FRY: variants seen among roughly 807,000 people sequenced by gnomAD.
FRY encodes FRY microtubule binding protein.
Under a neutral mutation model 348.4 loss-of-function variants are expected in FRY, and 128 were observed. The observed-to-expected ratio is 0.37, with a 90% confidence interval of 0.32 to 0.43. The LOEUF (loss-of-function observed/expected upper bound fraction) is 0.43, where lower values mean the gene tolerates loss of function less well. Ranked by LOEUF, FRY falls within the 20% of genes least tolerant of loss-of-function variation. The pLI is 1.00. For missense variants in FRY, 2,736 were observed against 3,695.2 expected (o/e 0.74, Z 6.73); for synonymous variants, 1,370 against 1,374.7 (o/e 1.00, Z 0.08).
At chr13:32,094,202 C>A (rs1390045313) in intron 2 of FRY, among the ~76,000 whole-genome samples, 2 of 151,824 alleles carry the variant, frequency 1.3e-5, no homozygotes, top group African/African-American at 4.8e-5. Context: ...GTTCTCTTTT[C>A]TTTTCTTTAT....
At chr13:32,285,966 G>A (rs1484866640) in intron 58 of FRY, among the ~76,000 whole-genome samples, 1 of 151,740 alleles carries the variant, frequency 6.6e-6, no homozygotes, top group Non-Finnish European at 1.5e-5. Context: ...GCTTACAGGT[G>A]TTTGTCTTCC....
intron 40 of FRY, among the ~76,000 whole-genome samples, chr13:32,230,504 A>G (rs1885851233): frequency 6.6e-6 from 1 of 152,018 alleles, no homozygotes; most frequent in Non-Finnish European, 1.5e-5. Flanking sequence ...AATCTTGTAC[A>G]TTTTTATGGT....
chr13:32,134,925 G>T lies in FRY; in HGVS notation c.907G>T (p.Glu303Ter), dbSNP rs761480552. The change falls in exon 9 of 61, where the codon GAG (glutamate) becomes TAG (stop). Residue 303 changes from glutamate (E) to a stop codon, truncating the protein, a stop_gained. Transcript: ENST00000542859. LOFTEE classifies it high-confidence loss of function. Reference sequence around the variant, plus strand: ...CCAGGAATGTGCACATTACTTCCTCGAGGTCAAAGACAAAGATATCAAGCA... The same window carrying T: ...CCAGGAATGTGCACATTACTTCCTCTAGGTCAAAGACAAAGATATCAAGCA... ...FMQECAHYFL[E>*]VKDKDIKHAL... is the part of the protein sequence containing the mutation. The T allele has an allele frequency of 6.2e-7, 1 of 1,610,618 alleles. No individual in the cohort carries two copies. Among genetic ancestry groups the T allele is most frequent in the Admixed American group, 1.7e-5 (1 of 59,974 alleles).
intron 59 of FRY, among the ~76,000 whole-genome samples, chr13:32,292,604 C>T (rs181049586): frequency 2.3e-3 from 353 of 151,586 alleles, no homozygotes; most frequent in Non-Finnish European, 2.9e-3. Flanking sequence ...TCATCTTGGC[C>T]AACATGGTGA....
rs144942681 is a variant in FRY at position 32,207,623 on chromosome 13, G to A, written c.4019-1230G>A. 2.3e-3 allele frequency among the ~76,000 whole-genome samples: 357 copies of A among 152,328 alleles called. 4 individuals carry two copies. Among genetic ancestry groups the A allele is most frequent in the African/African-American group, 8.4e-3 (351 of 41,568 alleles). The stretch of plus-strand genomic sequence containing the variant: ...ACATACATCAGTCACATCCATAAAT[G>A]TAGAAATCAAGTAAATTTTGAAATT... On this transcript the variant is annotated intron_variant, in intron 31 of 60. Coordinates refer to ENST00000542859, the MANE Select transcript of FRY (RefSeq NM_023037.3).
intron 1 of FRY, chr13:32,060,881 C>T (rs1873903065): frequency 2.8e-6 from 1 of 350,998 alleles, no homozygotes; most frequent in Non-Finnish European, 5.6e-6. Flanking sequence ...AACAGTCTGC[C>T]CTGGACGGAA....
chr13:32,161,733 C>G (rs965367341), intron 17 of FRY, among the ~76,000 whole-genome samples: 1 of 152,148 alleles, frequency 6.6e-6, no homozygotes, highest in South Asian at 2.1e-4. Context: ...GGCCCACAGA[C>G]CCCCATGGGG....
At chr13:32,115,104 G>A (rs913436179) in intron 3 of FRY, among the ~76,000 whole-genome samples, 2 of 152,174 alleles carry the variant, frequency 1.3e-5, no homozygotes, top group Non-Finnish European at 2.9e-5. Flanking sequence ...CCATCATTAT[G>A]GGAGAGACAG....
rs1886980710 is a variant in FRY, at chr13:32,249,706, A to T, written c.7170+19A>T. The T allele has an allele frequency of 6.2e-7, 1 of 1,610,434 alleles. No individual in the cohort carries two copies. The highest frequency in any genetic ancestry group is 1.7e-5 in the Admixed American group (1 of 59,938). ...TTCTCAGGTATGCAATCCTAGACCC[A>T]CAGTCCTGGGAGGGAGTTTAGGGAC... On this transcript the variant is annotated intron_variant, in intron 49 of 60. Coordinates refer to ENST00000542859, the MANE Select transcript of FRY (RefSeq NM_023037.3).
At chr13:32,259,228 G>A (rs1887499829) in intron 51 of FRY, among the ~76,000 whole-genome samples, 1 of 152,220 alleles carries the variant, frequency 6.6e-6, no homozygotes, top group Non-Finnish European at 1.5e-5. Flanking sequence ...GCCATGCTGA[G>A]AAAGCCTGGT....
chr13:32,237,395 T>G lies in FRY; in HGVS notation c.5827T>G (p.Leu1943Val), dbSNP rs369011120. 1.9e-6 allele frequency: 3 copies of G among 1,613,818 alleles called. No homozygotes were observed. The highest frequency in any genetic ancestry group is 2.5e-6 in the Non-Finnish European group (3 of 1,180,006). ...TVLSRSSSPDLSSSSKLTASR... is the reference protein window; with the variant it reads ...TVLSRSSSPDVSSSSKLTASR... ...TATACCCAGCTCTTCCTCACCAGAT[T>G]TAAGCTCCAGCAGTAAACTAACAGC... Residue 1943 changes from leucine to valine, a missense_variant, in exon 44 of 61, where the codon TTA becomes GTA. Physicochemically the swap from Leu to Val is conservative, Grantham distance 32 (BLOSUM62 1). This residue lies in a region of FRY where 794 missense variants were observed against 977.0 expected (regional missense o/e 0.81). Coordinates refer to ENST00000542859, the MANE Select transcript of FRY (RefSeq NM_023037.3). This position sits in a 1 kb window ranked among gnomAD's most constrained non-coding sequence, Gnocchi z 6.3.
At chr13:32,207,680 T>C (rs1245309881) in intron 31 of FRY, among the ~76,000 whole-genome samples, 1 of 152,216 alleles carries the variant, frequency 6.6e-6, no homozygotes, top group Non-Finnish European at 1.5e-5. Flanking sequence ...AGCTTAGCAC[T>C]GTCTGATTAT....
In FRY at chr13:32,048,893, A is replaced by G. The variant is rs114522722; in HGVS notation, c.70+17028A>G. 4.1e-3 allele frequency among the ~76,000 whole-genome samples: 631 copies of G among 152,332 alleles called. 8 individuals carry two copies. The highest frequency in any genetic ancestry group is 0.015 in the African/African-American group (603 of 41,576). ...CTTCAGGAAGTGCCTGAGAGTCAATAAACAGTCCTCCCTTTCCCTTCTTAC... is the reference window on the plus strand; with the variant it reads ...CTTCAGGAAGTGCCTGAGAGTCAATGAACAGTCCTCCCTTTCCCTTCTTAC... On this transcript the variant is annotated intron_variant, in intron 1 of 60. Coordinates refer to ENST00000542859, the MANE Select transcript of FRY (RefSeq NM_023037.3).
intron 36 of FRY, among the ~76,000 whole-genome samples, chr13:32,220,116 T>C (rs75987737): frequency 0.029 from 4,474 of 152,348 alleles, 90 homozygotes; most frequent in Middle Eastern, 0.061. Flanking sequence ...TATTCTTTTT[T>C]GTCAGAAATT....
In FRY at chr13:32,171,075, T is replaced by A. The variant is rs776081196; in HGVS notation, c.1956T>A (p.Leu652=). The change falls in exon 18 of 61, where the codon CTT becomes CTA. Residue 652 remains leucine, a synonymous_variant. Transcript: ENST00000542859. ...HIAQNSLQGL[L]VDFSDWREDV... ...CACAAAATTCTCTTCAGGGTTTACTTGTTGACTTCTCAGATTGGAGGGAAG... is the reference window on the plus strand; with the variant it reads ...CACAAAATTCTCTTCAGGGTTTACTAGTTGACTTCTCAGATTGGAGGGAAG... 1.2e-6 allele frequency: 2 copies of A among 1,612,278 alleles called. No individual in the cohort carries two copies. Among genetic ancestry groups the A allele is most frequent in the African/African-American group, 2.7e-5 (2 of 74,862 alleles).
intron 1 of FRY, chr13:32,060,936 C>T (rs948308470): frequency 2.7e-6 from 1 of 375,852 alleles, no homozygotes; most frequent in East Asian, 7.3e-5. Flanking sequence ...TAGCACCTGA[C>T]TAAAAATACA....
At chr13:32,165,017 A>G (rs2138191875) in intron 17 of FRY, among the ~76,000 whole-genome samples, 1 of 152,352 alleles carries the variant, frequency 6.6e-6, no homozygotes, top group South Asian at 2.1e-4. Flanking sequence ...ACATTCAAAG[A>G]ACATACACCG....
Position 32,296,688 on chromosome 13 carries a change from C to G in FRY, c.*1228C>G, listed in dbSNP as rs1335369734. ...GGTTAATGAAAATGTTTGTCCTGGGCACACATGAAGTTTTGCATGTGGGTT... is the reference window on the plus strand; with the variant it reads ...GGTTAATGAAAATGTTTGTCCTGGGGACACATGAAGTTTTGCATGTGGGTT... On this transcript the variant is annotated 3_prime_UTR_variant, in exon 61 of 61. Transcript: ENST00000542859. 6.6e-6 allele frequency: 1 copy of G among 152,026 alleles called. No homozygotes were observed. The highest frequency in any genetic ancestry group is 2.4e-5 in the African/African-American group (1 of 41,316). 9.4% of individuals were successfully genotyped at this position (152,026 alleles called of 1,614,324 possible). A position where few individuals can be genotyped will look rare whatever the true frequency, so the allele number is the denominator to read the frequency against.
At chr13:32,134,393 T>A (rs1879572334) in intron 8 of FRY, among the ~76,000 whole-genome samples, 1 of 152,186 alleles carries the variant, frequency 6.6e-6, no homozygotes, top group Non-Finnish European at 1.5e-5. Context: ...AGGTGAATAA[T>A]AAACACACCT....
Sources: allele counts gnomAD v4.1 joint callset (sites outside exome capture counted in the v4.1 genomes callset), GRCh38; gene constraint gnomAD v4.1.1; regional missense constraint gnomAD v4.1.1; non-coding constraint Gnocchi (gnomAD v3.1); transcripts MANE v1.5; gene names NCBI Gene and HGNC (gene_info 2026-07-23, HGNC 2026-07-21).